CC2D1A: variants seen among roughly 807,000 people sequenced by gnomAD.
CC2D1A encodes coiled-coil and C2 domain-containing protein 1A.
CC2D1A carries 68 observed loss-of-function variants against 123.8 expected under a neutral mutation model. That is an observed-to-expected ratio of 0.55 (90% CI 0.45 to 0.67). CC2D1A has a LOEUF of 0.67. Among genes scored for constraint, CC2D1A ranks in the 30% least tolerant of loss-of-function variants. CC2D1A has a pLI of 0.00. For missense variants in CC2D1A, 1,185 were observed against 1,290.3 expected (o/e 0.92, Z 1.25); for synonymous variants, 477 against 528.0 (o/e 0.90, Z 1.32).
At position 13,926,024 on chromosome 19, in the gene CC2D1A, A is replaced by ATGTGTATATATATATACATATATG. The variant is rs1568418888; in HGVS notation, c.1941-477_1941-476insCATATATGTGTGTATATATATATA. On this transcript the variant is annotated intron_variant, in intron 17 of 28. Coordinates refer to ENST00000318003, the MANE Select transcript of CC2D1A (RefSeq NM_017721.5). The stretch of plus-strand genomic sequence containing the variant: ...TGTATATATATATATACGTATATAT[A>ATGTGTATATATATATACATATATG]TGTGTATATATATATATATACACGT... Among the ~76,000 whole-genome samples the ATGTGTATATATATATACATATATG allele has an allele frequency of 5.7e-5, 6 of 106,000 alleles. 1 individual carries two copies. Among genetic ancestry groups the ATGTGTATATATATATACATATATG allele is most frequent in the African/African-American group, 3.1e-4 (6 of 19,084 alleles). 69.5% of individuals were successfully genotyped at this position (106,000 alleles called of 152,430 possible). A position where few individuals can be genotyped will look rare whatever the true frequency, so the allele number is the denominator to read the frequency against.
rs1235248854 is a variant in CC2D1A at position 13,906,972 on chromosome 19, C to T, written c.60+471C>T. 3.9e-5 allele frequency among the ~76,000 whole-genome samples: 6 copies of T among 152,280 alleles called. No individual in the cohort carries two copies. The East Asian group carries it at 1.2e-3, about 29-fold the overall frequency. On this transcript the variant is annotated intron_variant, in intron 1 of 28. Coordinates refer to ENST00000318003, the MANE Select transcript of CC2D1A (RefSeq NM_017721.5). This position sits in a 1 kb window ranked among gnomAD's most constrained non-coding sequence, Gnocchi z 4.1. ...CTTCTCACTCTCCCGACTTCTTTGC[C>T]CCAGGCACCAGATAGTTTGATTTTT...
rs1168955020 is a variant in CC2D1A at position 13,923,084 on chromosome 19, T to G, written c.1642-249T>G. ...GGCAGGCGCCTGTAATTCCAGCTAC[T>G]CAGGAGGCTGAGGCAGGAGAATCAC... On this transcript the variant is annotated intron_variant, in intron 14 of 28. Coordinates refer to ENST00000318003, the MANE Select transcript of CC2D1A (RefSeq NM_017721.5). The surrounding 1 kb of genome is among the most constrained non-coding windows in gnomAD (Gnocchi z 5.3). Among the ~76,000 whole-genome samples the G allele has an allele frequency of 1.3e-5, 2 of 151,596 alleles. No homozygotes were observed. Among genetic ancestry groups the G allele is most frequent in the East Asian group, 3.9e-4 (2 of 5,182 alleles).
In CC2D1A at chr19:13,930,280, A is replaced by C. The variant is rs1316241849; in HGVS notation, c.2826A>C (p.Val942=). The C allele has an allele frequency of 1.2e-6, 2 of 1,613,696 alleles. No individual in the cohort carries two copies. The highest frequency in any genetic ancestry group is 1.7e-6 in the Non-Finnish European group (2 of 1,179,812). ...AGGCGCTCTATAGGCGGAATCTGGT[A>C]GAGAGTGAGGTAAGCAGCTTAGGAG... ...AKEALYRRNL[V]ESELQRLRR The change falls in exon 28 of 29, where the codon GTA becomes GTC. Residue 942 remains valine, a synonymous_variant. Coordinates refer to ENST00000318003, the MANE Select transcript of CC2D1A (RefSeq NM_017721.5). The surrounding 1 kb of genome is among the most constrained non-coding windows in gnomAD (Gnocchi z 6.8).
At chr19:13,920,353 C>A in intron 12 of CC2D1A, 1 of 572,896 alleles carries the variant, frequency 1.7e-6, no homozygotes, top group South Asian at 2.3e-5. Context: ...CCAGCCTGGA[C>A]GATACAGTGA....
intron 7 of CC2D1A, 63 bp from the exon 8 acceptor site, chr19:13,918,441 C>A (rs1398495494): frequency 2.7e-6 from 4 of 1,504,918 alleles, no homozygotes; most frequent in Non-Finnish European, 9.0e-7. Context: ...GGCCCGGAGG[C>A]TCCCCACAGG....
rs149616314 is a variant in CC2D1A at position 13,922,024 on chromosome 19, C to T, written c.1641+1102C>T. 1.3e-4 allele frequency among the ~76,000 whole-genome samples: 20 copies of T among 149,746 alleles called. No individual in the cohort carries two copies. In the East Asian group the frequency reaches 2.3e-3, roughly 17 times the overall value. ...TGTTTTGTTTTGTTTTGTTTTGAGA[C>T]GGAGTCTCGCCCTGTCATCCAGGCT... On this transcript the variant is annotated intron_variant, in intron 14 of 28. Transcript: ENST00000318003.
In CC2D1A at chr19:13,926,661, C is replaced by T; in HGVS notation, c.2015-6C>T. On this transcript the variant is annotated splice_polypyrimidine_tract_variant and splice_region_variant and intron_variant, in intron 18 of 28. Coordinates refer to ENST00000318003, the MANE Select transcript of CC2D1A (RefSeq NM_017721.5). ...CTGCCCAGCTCTGACCGTTGTTTGC[C>T]CACAGGACTGTCCCCTGGCGATCTG... 1 of 1,614,148 alleles carries T rather than the reference C, an allele frequency of 6.2e-7. No individual in the cohort carries two copies. Among genetic ancestry groups the T allele is most frequent in the Non-Finnish European group, 8.5e-7 (1 of 1,180,020 alleles).
intron 6 of CC2D1A, among the ~76,000 whole-genome samples, chr19:13,915,936 G>A (rs1971189568): frequency 6.6e-6 from 1 of 152,106 alleles, no homozygotes; most frequent in Non-Finnish European, 1.5e-5. Flanking sequence ...GTAGAATTTT[G>A]CTCTTGGTGT....
intron 6 of CC2D1A, 124 bp from the exon 7 acceptor site, chr19:13,917,946 G>A: frequency 9.7e-7 from 1 of 1,030,116 alleles, no homozygotes; most frequent in Non-Finnish European, 1.4e-6. Context: ...ACCCCAGCAT[G>A]GGCAACAGAG....
chr19:13,909,384 A>C (rs1422084955), intron 1 of CC2D1A, among the ~76,000 whole-genome samples: 5 of 151,920 alleles, frequency 3.3e-5, no homozygotes, highest in Admixed American at 1.3e-4. Context: ...TCAAAAAAAA[A>C]CAAAAAACAA....
chr19:13,921,786 T>C (rs1345044989), intron 14 of CC2D1A, among the ~76,000 whole-genome samples: 2 of 152,182 alleles, frequency 1.3e-5, no homozygotes, highest in African/African-American at 4.8e-5. Context: ...ACACCTGTAA[T>C]TCCAGCTACT....
At chr19:13,912,689 G>C (rs1971046303) in intron 4 of CC2D1A, 96 bp downstream of exon 4, 1 of 1,274,944 alleles carries the variant, frequency 7.8e-7, no homozygotes, top group East Asian at 2.3e-5. Context: ...GTCTTGCTGT[G>C]TCACCCAGGC....
In CC2D1A at chr19:13,920,551, C is replaced by G. The variant is rs755097638; in HGVS notation, c.1357-6C>G. 9 of 1,539,808 alleles carry G rather than the reference C, an allele frequency of 5.8e-6. No individual in the cohort carries two copies. Among genetic ancestry groups the G allele is most frequent in the Non-Finnish European group, 8.1e-6 (9 of 1,117,120 alleles). On this transcript the variant is annotated splice_region_variant and splice_polypyrimidine_tract_variant and intron_variant, in intron 12 of 28. Coordinates refer to ENST00000318003, the MANE Select transcript of CC2D1A (RefSeq NM_017721.5). ...AATCTCTAACATCCTCTCTCTTCCT[C>G]TACAGCAGAACAGCCCTGTGGCCCC...
rs200324526 is a variant in CC2D1A, at chr19:13,923,690, G to A, written c.1824-5G>A. ...GGGACATGAGCAGGGCCCTCCCACC[G>A]GCAGGTTTGAAAAGTTGGCGGAGGA... On this transcript the variant is annotated splice_polypyrimidine_tract_variant and splice_region_variant and intron_variant, in intron 16 of 28. Coordinates refer to ENST00000318003, the MANE Select transcript of CC2D1A (RefSeq NM_017721.5). This position sits in a 1 kb window ranked among gnomAD's most constrained non-coding sequence, Gnocchi z 5.3. 48 of 1,613,962 alleles carry A rather than the reference G, an allele frequency of 3.0e-5. No homozygotes were observed. The East Asian group carries it at 4.9e-4, about 16-fold the overall frequency.
rs1971498693 is a variant in CC2D1A, at chr19:13,923,825, T to C, written c.1940+14T>C. ...CAGCGTCATCAAGTAAGGCTCCTGA[T>C]CTACGCCCCACCACGTGGCCCCAGT... On this transcript the variant is annotated intron_variant, in intron 17 of 28. Transcript: ENST00000318003. The surrounding 1 kb of genome is among the most constrained non-coding windows in gnomAD (Gnocchi z 5.3). 6.3e-7 allele frequency: 1 copy of C among 1,596,398 alleles called. No individual in the cohort carries two copies. The highest frequency in any genetic ancestry group is 1.3e-5 in the African/African-American group (1 of 74,548).
intron 4 of CC2D1A, 113 bp downstream of exon 4, chr19:13,912,706 G>A: frequency 9.4e-7 from 1 of 1,065,970 alleles, no homozygotes; most frequent in Non-Finnish European, 1.4e-6. Context: ...AGGCTGGAGT[G>A]CAGTGGTGCC....
rs1221156966 is a variant in CC2D1A, at chr19:13,906,463, C to T, written c.22C>T (p.Pro8Ser). MHKRKGP[P>S]GPPGRGAAAA... ...GAAGATGCACAAGAGGAAAGGACCC[C>T]CGGGACCCCCGGGCAGAGGCGCCGC... is the stretch of plus-strand genomic sequence containing the variant. Residue 8 changes from proline (P) to serine (S), a missense_variant, in exon 1 of 29, where the codon CCG becomes TCG. Physicochemically the swap from Pro to Ser is moderately conservative, Grantham distance 74. Transcript: ENST00000318003. This position sits in a 1 kb window ranked among gnomAD's most constrained non-coding sequence, Gnocchi z 4.1. 2 of 1,516,540 alleles carry T rather than the reference C, an allele frequency of 1.3e-6. No homozygotes were observed. The highest frequency in any genetic ancestry group is 1.8e-6 in the Non-Finnish European group (2 of 1,134,602). The allele number at this position is 1,516,540 out of a possible 1,614,324, so 93.9% of individuals were successfully genotyped here. A position where few individuals can be genotyped will look rare whatever the true frequency, so the allele number is the denominator to read the frequency against.
At position 13,906,772 on chromosome 19, in the gene CC2D1A, A is replaced by G. The variant is rs1970765551; in HGVS notation, c.60+271A>G. On this transcript the variant is annotated intron_variant, in intron 1 of 28. Coordinates refer to ENST00000318003, the MANE Select transcript of CC2D1A (RefSeq NM_017721.5). The surrounding 1 kb of genome is among the most constrained non-coding windows in gnomAD (Gnocchi z 4.1). ...GCAGTCCTCGGACTTGACACATCAA[A>G]CCCTTGCATCAGTCGGGCCATGTCA... 6.6e-6 allele frequency among the ~76,000 whole-genome samples: 1 copy of G among 152,060 alleles called. No homozygotes were observed. Among genetic ancestry groups the G allele is most frequent in the African/African-American group, 2.4e-5 (1 of 41,404 alleles).
At chr19:13,918,857 G>A (rs371690822) in intron 9 of CC2D1A, 40 bp downstream of exon 9, 9 of 1,610,362 alleles carry the variant, frequency 5.6e-6, no homozygotes, top group African/African-American at 5.3e-5. Flanking sequence ...GCAGGCTGGA[G>A]CCAGACTGTC....
Sources: gnomAD v4.1 joint callset for allele counts (sites outside exome capture counted in the v4.1 genomes callset) on GRCh38, gnomAD v4.1.1 for gene constraint, Gnocchi (gnomAD v3.1) non-coding constraint, MANE v1.5 for transcripts, NCBI Gene and HGNC (gene_info 2026-07-23, HGNC 2026-07-21) for gene names.